ADGRV1: variants seen among roughly 807,000 people sequenced by gnomAD.
The protein encoded by ADGRV1 is G-protein coupled receptor 98.
In ADGRV1, 359 loss-of-function variants were observed where a neutral mutation model predicts 596.2. The ratio of observed to expected loss-of-function variants is 0.60; its 90% confidence interval spans 0.55 to 0.66. The LOEUF (loss-of-function observed/expected upper bound fraction) is 0.66. ADGRV1 is among the 30% of genes least tolerant of loss of function. ADGRV1 has a pLI of 0.00. For missense variants in ADGRV1, 7,274 were observed against 7,575.6 expected, an observed-to-expected ratio of 0.96 and a Z score of 1.48; for synonymous variants, 2,681 against 2,679.2, an observed-to-expected ratio of 1.00 and a Z score of -0.02.
chr5:90,847,855 G>A (rs1766068451), intron 78 of ADGRV1, among the ~76,000 whole-genome samples: 1 of 152,094 alleles, frequency 6.6e-6, no homozygotes, highest in South Asian at 2.1e-4. Context: ...ACACCTCCCT[G>A]CAAGCTGAGG....
intron 85 of ADGRV1, among the ~76,000 whole-genome samples, chr5:91,064,666 G>A (rs1349793383): frequency 6.6e-6 from 1 of 152,164 alleles, no homozygotes; most frequent in Non-Finnish European, 1.5e-5. Context: ...ATTTTAGAAT[G>A]TAGTTGATTC....
intron 85 of ADGRV1, among the ~76,000 whole-genome samples, chr5:91,015,153 G>A (rs568795730): frequency 3.3e-4 from 50 of 152,108 alleles, no homozygotes; most frequent in Admixed American, 1.2e-3. Context: ...AAATCATTTA[G>A]GAGCATATTG....
intron 48 of ADGRV1, among the ~76,000 whole-genome samples, chr5:90,727,435 C>CA (rs1235944886): frequency 6.6e-6 from 1 of 152,138 alleles, no homozygotes; most frequent in African/African-American, 2.4e-5. Context: ...CTCTTCCACA[C>CA]CATTATAGTG....
rs779899904 is a variant in ADGRV1, at chr5:90,763,434, C to T, written c.12250C>T (p.Leu4084Phe). The change falls in exon 59 of 90, where the codon CTT becomes TTT. Residue 4084 changes from leucine (L) to phenylalanine (F), a missense_variant. By Grantham distance (22) the Leu-to-Phe change is conservative. This residue lies in a region of ADGRV1 where 3,643 missense variants were observed against 3,809.2 expected (regional missense o/e 0.96). Transcript: ENST00000405460. ...CATAGATGAGAAGGCTAAACATAAC[C>T]TTAGTCCTTTGAATGGGACCCTTCA... is the stretch of plus-strand genomic sequence containing the variant. ...WTIDEKAKHN[L>F]SPLNGTLHFD... is the part of the protein sequence containing the mutation. 1 of 1,613,616 alleles carries T rather than the reference C, an allele frequency of 6.2e-7. No homozygotes were observed. The highest frequency in any genetic ancestry group is 1.1e-5 in the South Asian group (1 of 91,038).
chr5:90,951,242 A>G (rs951428456), intron 83 of ADGRV1, among the ~76,000 whole-genome samples: 1 of 152,220 alleles, frequency 6.6e-6, no homozygotes, highest in East Asian at 1.9e-4. Context: ...TAGAGAGGCA[A>G]TAAGAATGCT....
chr5:91,045,964 G>A (rs974293466), intron 85 of ADGRV1, among the ~76,000 whole-genome samples: 1 of 151,812 alleles, frequency 6.6e-6, no homozygotes, highest in Non-Finnish European at 1.5e-5. Context: ...ACACTAAGGA[G>A]GTGAAAGACC....
At chr5:90,643,471 C>A (rs1016346657) in intron 13 of ADGRV1, among the ~76,000 whole-genome samples, 1 of 152,114 alleles carries the variant, frequency 6.6e-6, no homozygotes, top group Admixed American at 6.5e-5. Context: ...TGCTTACTCA[C>A]CAATACATAT....
intron 77 of ADGRV1, among the ~76,000 whole-genome samples, chr5:90,829,808 T>C (rs1390918199): frequency 6.6e-6 from 1 of 152,142 alleles, no homozygotes; most frequent in African/African-American, 2.4e-5. Context: ...AGTGAAACTC[T>C]AATATAGTAA....
At chr5:90,965,781 A>ATG (rs1380435393) in intron 84 of ADGRV1, among the ~76,000 whole-genome samples, 1 of 152,222 alleles carries the variant, frequency 6.6e-6, no homozygotes, top group Non-Finnish European at 1.5e-5. Flanking sequence ...GAAGTCTGCA[A>ATG]TGTGGGCCCT....
At chr5:90,602,584 C>A (rs1761549046) in intron 1 of ADGRV1, among the ~76,000 whole-genome samples, 1 of 152,194 alleles carries the variant, frequency 6.6e-6, no homozygotes, top group South Asian at 2.1e-4. Context: ...GAATACCTGA[C>A]CACATTCCTC....
rs758737527 is a variant in ADGRV1, at chr5:90,653,930, G to A, written c.4356G>A (p.Leu1452=). ...GNAMPRGIKS[L]KGEAITDGPG... ...CAATGCCCAGGGGAATCAAGAGTCT[G>A]AAAGGAGAAGCCATTACTGACGGTG... Residue 1452 remains leucine (L), a synonymous_variant, in exon 20 of 90, where the codon CTG becomes CTA. Transcript: ENST00000405460. The A allele has an allele frequency of 1.3e-6, 2 of 1,558,982 alleles. No homozygotes were observed. The highest frequency in any genetic ancestry group is 1.7e-6 in the Non-Finnish European group (2 of 1,150,690).
chr5:91,043,176 A>G (rs1785510951), intron 85 of ADGRV1, among the ~76,000 whole-genome samples: 1 of 152,162 alleles, frequency 6.6e-6, no homozygotes, highest in Non-Finnish European at 1.5e-5. Context: ...GAGTAAATCT[A>G]CAGTGTGTTC....
intron 87 of ADGRV1, among the ~76,000 whole-genome samples, chr5:91,142,199 G>T (rs1795154189): frequency 6.6e-6 from 1 of 152,110 alleles, no homozygotes; most frequent in Non-Finnish European, 1.5e-5. Context: ...TCCCTCTGAT[G>T]AAATTAAAAG....
chr5:90,710,895 T>G, intron 39 of ADGRV1, 86 bp from the exon 40 acceptor site: 1 of 778,570 alleles, frequency 1.3e-6, no homozygotes, highest in Non-Finnish European at 2.1e-6. Context: ...ATTATATAAT[T>G]TCAAAGGGAC....
chr5:90,985,362 G>C lies in ADGRV1; in HGVS notation c.17992G>C (p.Val5998Leu), dbSNP rs557989446. Reference protein sequence around the residue: ...MLIQSVNFWYVLVMNDEHTER... With the variant: ...MLIQSVNFWYLLVMNDEHTER... Reference sequence around the variant, plus strand: ...TCCTTAGTCTGTGAATTTCTGGTACGTGCTGGTGATGAATGATGAGCACAC... The same window carrying C: ...TCCTTAGTCTGTGAATTTCTGGTACCTGCTGGTGATGAATGATGAGCACAC... The change falls in exon 85 of 90, where the codon GTG (valine) becomes CTG (leucine). Residue 5998 changes from valine (V) to leucine (L), a missense_variant. Val to Leu is a conservative substitution (Grantham distance 32, BLOSUM62 1). Around this residue, in one of 5 missense-constraint regions of ADGRV1, gnomAD observed 1,874 missense variants for 1,970.2 expected, o/e 0.95. Transcript: ENST00000405460. 6.2e-7 allele frequency: 1 copy of C among 1,611,590 alleles called. No homozygotes were observed. The highest frequency in any genetic ancestry group is 1.7e-5 in the Admixed American group (1 of 59,880).
chr5:91,018,284 T>A (rs752080941), intron 85 of ADGRV1, among the ~76,000 whole-genome samples: 2 of 151,938 alleles, frequency 1.3e-5, no homozygotes, highest in African/African-American at 4.8e-5. Flanking sequence ...TAACTGAAGC[T>A]CCAGACAGCT....
chr5:90,874,836 C>G (rs191478423), intron 83 of ADGRV1, among the ~76,000 whole-genome samples: 2 of 150,910 alleles, frequency 1.3e-5, no homozygotes, highest in Non-Finnish European at 3.0e-5. Flanking sequence ...CCAGCCCGGG[C>G]GACAGCAAGA....
chr5:90,877,395 C>A (rs1395494070), intron 83 of ADGRV1, among the ~76,000 whole-genome samples: 1 of 152,112 alleles, frequency 6.6e-6, no homozygotes. Context: ...TATGGAGGAG[C>A]AACAGAAAAT....
intron 75 of ADGRV1, among the ~76,000 whole-genome samples, chr5:90,819,367 C>T (rs1190824111): frequency 2.0e-5 from 3 of 151,648 alleles, no homozygotes; most frequent in Admixed American, 6.6e-5. Flanking sequence ...AAAAAACCAG[C>T]TCCTGGATTC....
Sources: allele counts gnomAD v4.1 joint callset (sites outside exome capture counted in the v4.1 genomes callset), GRCh38; gene constraint gnomAD v4.1.1; regional missense constraint gnomAD v4.1.1; transcripts MANE v1.5; gene names NCBI Gene and HGNC (gene_info 2026-07-23, HGNC 2026-07-21).